PTPRT: variants seen among roughly 807,000 people sequenced by gnomAD.
The protein encoded by PTPRT is protein tyrosine phosphatase receptor type T.
A neutral mutation model predicts 176.8 loss-of-function variants in PTPRT; 56 were observed. The observed-to-expected ratio is 0.32, with a 90% CI of 0.26 to 0.40. PTPRT has a LOEUF of 0.40. PTPRT is among the 10% of genes least tolerant of loss of function. The pLI is 1.00. For missense variants in PTPRT, 1,540 were observed against 1,908.2 expected, an observed-to-expected ratio of 0.81 and a Z score of 3.60; for synonymous variants, 783 against 739.0, an observed-to-expected ratio of 1.06 and a Z score of -0.96.
intron 9 of PTPRT, among the ~76,000 whole-genome samples, chr20:42,370,070 C>G (rs1157979644): frequency 6.6e-6 from 1 of 152,186 alleles, no homozygotes. Flanking sequence ...AATCCTGTAA[C>G]CCGTGTGTTA....
chr20:42,660,459 C>A (rs1299172272), intron 7 of PTPRT, among the ~76,000 whole-genome samples: 1 of 152,106 alleles, frequency 6.6e-6, no homozygotes, highest in Non-Finnish European at 1.5e-5. Context: ...TCCCTTTATA[C>A]CAAAGACCAA....
intron 1 of PTPRT, among the ~76,000 whole-genome samples, chr20:42,923,107 C>A (rs934554803): frequency 6.6e-6 from 1 of 152,146 alleles, no homozygotes; most frequent in African/African-American, 2.4e-5. Flanking sequence ...CCTGCTGGTG[C>A]CAATTCATAC....
chr20:42,169,743 AACAC>A (rs56329932), intron 16 of PTPRT, among the ~76,000 whole-genome samples: 13,006 of 104,416 alleles, frequency 0.12, 813 homozygotes, highest in Non-Finnish European at 0.15. Flanking sequence ...ACAATTTTCA[AACAC>A]ACACACACAC....
chr20:42,113,818 C>T (rs981923898), intron 22 of PTPRT, among the ~76,000 whole-genome samples: 4 of 152,308 alleles, frequency 2.6e-5, no homozygotes, highest in South Asian at 2.1e-4. Context: ...ATTGAAGTAC[C>T]GATGGTTTCC....
intron 6 of PTPRT, among the ~76,000 whole-genome samples, chr20:42,690,494 T>G (rs957834367): frequency 2.0e-5 from 3 of 152,082 alleles, no homozygotes; most frequent in African/African-American, 7.2e-5. Flanking sequence ...GGTCATGGAT[T>G]GAATGTAAGG....
chr20:42,760,817 G>A (rs111489702), intron 5 of PTPRT, among the ~76,000 whole-genome samples: 195 of 152,280 alleles, frequency 1.3e-3, no homozygotes, highest in African/African-American at 4.5e-3. Flanking sequence ...GTTTACTGGG[G>A]TTGATAGTCT....
chr20:42,185,037 G>T (rs552484428), intron 16 of PTPRT, among the ~76,000 whole-genome samples: 5 of 152,048 alleles, frequency 3.3e-5, no homozygotes, highest in African/African-American at 1.2e-4. Flanking sequence ...AAACCAGCAT[G>T]GTCCAAATAT....
chr20:42,092,792 T>C (rs1432073899), intron 27 of PTPRT, among the ~76,000 whole-genome samples: 1 of 152,204 alleles, frequency 6.6e-6, no homozygotes, highest in African/African-American at 2.4e-5. Flanking sequence ...AGCACCCTGC[T>C]TTTCTCCTGG....
intron 7 of PTPRT, among the ~76,000 whole-genome samples, chr20:42,587,201 C>T (rs146919233): frequency 5.8e-4 from 89 of 152,318 alleles, no homozygotes; most frequent in Non-Finnish European, 6.8e-4. Context: ...CCACTCATGA[C>T]AAACTCTAGC....
chr20:43,185,566 A>G (rs1229445231), intron 1 of PTPRT, among the ~76,000 whole-genome samples: 2 of 152,204 alleles, frequency 1.3e-5, no homozygotes, highest in Non-Finnish European at 2.9e-5. Context: ...TACTAGTGTC[A>G]TCTGTTGGCA....
chr20:43,088,761 T>G lies in PTPRT; in HGVS notation c.88+100885A>C, dbSNP rs573829511. ...TGTTACCAGTGGATCTGCGAAACTT[T>G]CAGAACATCCATCCTGGAAAAATGC... On this transcript the variant is annotated intron_variant, in intron 1 of 30. Transcript: ENST00000373187. 5.3e-5 allele frequency among the ~76,000 whole-genome samples: 8 copies of G among 152,220 alleles called. No homozygotes were observed. In the East Asian group the frequency reaches 1.5e-3, roughly 29 times the overall value.
At chr20:42,109,967 G>A (rs932678345) in intron 23 of PTPRT, among the ~76,000 whole-genome samples, 1 of 152,028 alleles carries the variant, frequency 6.6e-6, no homozygotes, top group Non-Finnish European at 1.5e-5. Flanking sequence ...GTCTCTAAGA[G>A]TAAAGCCACT....
At chr20:42,066,978 A>G in the PTPRT span, among the ~76,000 whole-genome samples, 1 of 151,926 alleles carries the variant, frequency 6.6e-6, no homozygotes, top group Non-Finnish European at 1.5e-5. Flanking sequence ...TTTGGCAGAG[A>G]CCTGATTTCA....
At chr20:42,323,087 A>C (rs893523145) in intron 11 of PTPRT, among the ~76,000 whole-genome samples, 8 of 152,034 alleles carry the variant, frequency 5.3e-5, no homozygotes, top group Admixed American at 3.3e-4. Flanking sequence ...TTAAAATGGC[A>C]GTCATTAAAA....
chr20:42,120,141 T>C (rs1419005786), intron 19 of PTPRT, among the ~76,000 whole-genome samples, 170 bp from the exon 20 acceptor site: 1 of 152,074 alleles, frequency 6.6e-6, no homozygotes, highest in Non-Finnish European at 1.5e-5. Flanking sequence ...GCACATAAAG[T>C]GTGTAGTAAG....
chr20:42,466,345 A>G (rs1222326995), intron 8 of PTPRT, among the ~76,000 whole-genome samples: 6 of 152,260 alleles, frequency 3.9e-5, no homozygotes, highest in African/African-American at 1.4e-4. Context: ...ATTGAATTAA[A>G]AAGCATAGGT....
intron 1 of PTPRT, among the ~76,000 whole-genome samples, chr20:43,122,597 C>T (rs1185929863): frequency 1.3e-5 from 2 of 152,150 alleles, no homozygotes; most frequent in African/African-American, 4.8e-5. Context: ...AGTGAGTGCT[C>T]GCTCAGTTAG....
intron 2 of PTPRT, among the ~76,000 whole-genome samples, chr20:42,829,278 C>A (rs2078049327): frequency 6.6e-6 from 1 of 152,224 alleles, no homozygotes; most frequent in Non-Finnish European, 1.5e-5. Context: ...TGTATTTACC[C>A]AATGCCCGTA....
intron 7 of PTPRT, among the ~76,000 whole-genome samples, chr20:42,621,633 T>C (rs2074198877): frequency 6.6e-6 from 1 of 152,190 alleles, no homozygotes; most frequent in Non-Finnish European, 1.5e-5. Flanking sequence ...TCCTTCTGGA[T>C]TTGCTGTGCT....
Sources: allele counts gnomAD v4.1 joint callset (sites outside exome capture counted in the v4.1 genomes callset), GRCh38; gene constraint gnomAD v4.1.1; transcripts MANE v1.5; gene names NCBI Gene and HGNC (gene_info 2026-07-23, HGNC 2026-07-21).